The following STAG1 variants were observed in gnomAD, a reference collection of about 807,000 sequenced individuals.
STAG1 encodes cohesin subunit SA-1.
STAG1 carries 26 observed loss-of-function variants against 170.9 expected under a neutral mutation model. The observed-to-expected ratio is 0.15, with a 90% CI of 0.11 to 0.21. The LOEUF is 0.21. Ranked by LOEUF, STAG1 falls within the 10% of genes least tolerant of loss-of-function variation. The pLI, the probability that STAG1 is intolerant of heterozygous loss-of-function variation, is 1.00. For synonymous variants in STAG1, 514 were observed against 497.7 expected (o/e 1.03, Z -0.44); for missense variants, 964 against 1,509.5 (o/e 0.64, Z 5.99).
At chr3:136,662,450 C>A (rs1414942778) in intron 1 of STAG1, among the ~76,000 whole-genome samples, 5 of 152,014 alleles carry the variant, frequency 3.3e-5, no homozygotes, top group Non-Finnish European at 7.4e-5. Flanking sequence ...CCATGCCTGG[C>A]CTTAGACTCT....
intron 1 of STAG1, among the ~76,000 whole-genome samples, chr3:136,702,834 C>T (rs893304316): frequency 1.3e-4 from 20 of 152,134 alleles, no homozygotes; most frequent in African/African-American, 4.8e-4. Context: ...CTATGAGAGG[C>T]CGAGGCGGGC....
intron 9 of STAG1, among the ~76,000 whole-genome samples, chr3:136,491,814 GA>G (rs1032037030): frequency 1.1e-4 from 17 of 152,232 alleles, no homozygotes; most frequent in Non-Finnish European, 2.2e-4. Flanking sequence ...CCAACATGGT[GA>G]AACCCTGTCT....
intron 4 of STAG1, among the ~76,000 whole-genome samples, chr3:136,598,553 A>G (rs1330305067): frequency 6.6e-6 from 1 of 151,870 alleles, no homozygotes; most frequent in Non-Finnish European, 1.5e-5. Context: ...CAGCCTCCCA[A>G]GTAGCTGGGA....
intron 22 of STAG1, among the ~76,000 whole-genome samples, chr3:136,381,574 T>C (rs1205648092): frequency 6.6e-6 from 1 of 152,106 alleles, no homozygotes; most frequent in Non-Finnish European, 1.5e-5. Context: ...GAAAGGAAGA[T>C]AAGGAAGAAG....
intron 23 of STAG1, among the ~76,000 whole-genome samples, chr3:136,376,118 G>A (rs1364228945): frequency 6.7e-6 from 1 of 148,506 alleles, no homozygotes; most frequent in Non-Finnish European, 1.5e-5. Context: ...TAAAGAATAA[G>A]GTTTAGGGAA....
At chr3:136,726,769 A>C (rs1933712628) in intron 1 of STAG1, among the ~76,000 whole-genome samples, 1 of 152,164 alleles carries the variant, frequency 6.6e-6, no homozygotes, top group African/African-American at 2.4e-5. Context: ...ACTCTCTAAC[A>C]GCTTCTCATT....
intron 1 of STAG1, among the ~76,000 whole-genome samples, chr3:136,715,730 G>A (rs1400278668): frequency 6.6e-6 from 1 of 151,440 alleles, no homozygotes; most frequent in Non-Finnish European, 1.5e-5. Flanking sequence ...CAAATAAATG[G>A]GAAAAACCTA....
Position 136,623,201 on chromosome 3 carries a change from AGCT to A in STAG1, c.74_76del (p.Glu25_Leu26delinsVal), listed in dbSNP as rs1289383046. 1 of 1,613,736 alleles carries A rather than the reference AGCT, an allele frequency of 6.2e-7. No individual in the cohort carries two copies. The highest frequency in any genetic ancestry group is 8.5e-7 in the Non-Finnish European group (1 of 1,179,808). ...TTTTCCTTTGACCTCTGTTTCTTCA[AGCT>A]CGCTGCCAGCATCGGAATGGGCAGT... On this transcript the variant is annotated inframe_deletion, in exon 3 of 34. Transcript: ENST00000383202.
At chr3:136,543,040 T>C (rs931326281) in intron 5 of STAG1, among the ~76,000 whole-genome samples, 5 of 152,156 alleles carry the variant, frequency 3.3e-5, no homozygotes, top group African/African-American at 1.2e-4. Flanking sequence ...TGGAAAGATC[T>C]ATAGGATATA....
intron 26 of STAG1, among the ~76,000 whole-genome samples, chr3:136,359,936 G>A (rs1468435431): frequency 6.6e-6 from 1 of 152,096 alleles, no homozygotes; most frequent in Non-Finnish European, 1.5e-5. Flanking sequence ...GGGTTAAGAG[G>A]TTTGTTTTTT....
At chr3:136,463,767 G>GTGTGTATA (rs1375220735) in intron 13 of STAG1, among the ~76,000 whole-genome samples, 2 of 58,740 alleles carry the variant, frequency 3.4e-5, no homozygotes, top group African/African-American at 8.2e-5. Flanking sequence ...GTGTGTGTGT[G>GTGTGTATA]TATACACACA....
intron 3 of STAG1, among the ~76,000 whole-genome samples, chr3:136,616,056 C>A (rs1486050299): frequency 3.9e-5 from 6 of 151,956 alleles, no homozygotes; most frequent in African/African-American, 1.4e-4. Flanking sequence ...ATCACGAGGT[C>A]AGGAGATCAA....
At chr3:136,671,153 C>T (rs777482007) in intron 1 of STAG1, among the ~76,000 whole-genome samples, 3 of 151,866 alleles carry the variant, frequency 2.0e-5, no homozygotes, top group Admixed American at 6.6e-5. Context: ...GGCATGGTGG[C>T]GCAGCCTGTA....
intron 4 of STAG1, among the ~76,000 whole-genome samples, chr3:136,584,902 CTTGTT>C (rs1937733323): frequency 6.6e-6 from 1 of 152,162 alleles, no homozygotes; most frequent in African/African-American, 2.4e-5. Context: ...TATACTCTGT[CTTGTT>C]TTAAGTAACT....
chr3:136,508,514 T>A (rs1933881943), intron 7 of STAG1, among the ~76,000 whole-genome samples: 1 of 152,044 alleles, frequency 6.6e-6, no homozygotes. Context: ...ATAGCAAGAC[T>A]CCATCTCTAC....
intron 7 of STAG1, among the ~76,000 whole-genome samples, chr3:136,507,274 A>C (rs530773687): frequency 6.6e-6 from 1 of 152,370 alleles, no homozygotes; most frequent in South Asian, 2.1e-4. Context: ...AAACGTAAGA[A>C]ACTGGCAACT....
intron 1 of STAG1, among the ~76,000 whole-genome samples, chr3:136,705,809 G>A (rs1490933561): frequency 1.3e-5 from 2 of 152,116 alleles, no homozygotes; most frequent in Non-Finnish European, 1.5e-5. Flanking sequence ...TTTATTAGCA[G>A]TGTGAGAATG....
chr3:136,731,261 T>C (rs1375595556), intron 1 of STAG1, among the ~76,000 whole-genome samples: 1 of 151,268 alleles, frequency 6.6e-6, no homozygotes, highest in African/African-American at 2.4e-5. Flanking sequence ...AAAAAAGCAA[T>C]ACAGAATGTT....
Position 136,562,371 on chromosome 3 carries a change from C to T in STAG1, c.394+6394G>A, listed in dbSNP as rs190654443. 7.0e-3 allele frequency among the ~76,000 whole-genome samples: 1,068 copies of T among 151,898 alleles called. 15 individuals are homozygous for T. Among genetic ancestry groups the T allele is most frequent in the African/African-American group, 0.024 (987 of 41,426 alleles). ...CGCCTCCTGGGCTCACGCGATTCTC[C>T]TGCCTCAGCCTCCCAAGCAGCTGGG... On this transcript the variant is annotated intron_variant, in intron 5 of 33. Transcript: ENST00000383202.
Sources: allele counts gnomAD v4.1 joint callset (sites outside exome capture counted in the v4.1 genomes callset), GRCh38; gene constraint gnomAD v4.1.1; transcripts MANE v1.5; gene names NCBI Gene and HGNC (gene_info 2026-07-23, HGNC 2026-07-21).